MLLT10: variants seen among roughly 807,000 people sequenced by gnomAD.
MLLT10 encodes MLLT10 histone lysine methyltransferase DOT1L cofactor.
In MLLT10, 30 loss-of-function variants were observed where a neutral mutation model predicts 129.1. That is an observed-to-expected ratio of 0.23 (90% CI 0.17 to 0.32). The LOEUF is 0.32. Among genes scored for constraint, MLLT10 ranks in the 10% least tolerant of loss-of-function variants. The pLI is 1.00. For synonymous variants in MLLT10, 490 were observed against 446.4 expected (o/e 1.10, Z -1.23); for missense variants, 1,119 against 1,268.3 (o/e 0.88, Z 1.79).
chr10:21,660,938 C>T (rs1217559430), intron 9 of MLLT10, among the ~76,000 whole-genome samples: 4 of 150,346 alleles, frequency 2.7e-5, no homozygotes, highest in Non-Finnish European at 4.4e-5. Flanking sequence ...TCATTCAGTG[C>T]GATAAATTCC....
chr10:21,570,708 A>T (rs755420432), intron 3 of MLLT10, among the ~76,000 whole-genome samples: 2 of 151,854 alleles, frequency 1.3e-5, no homozygotes, highest in African/African-American at 4.8e-5. Context: ...AAAATATTTC[A>T]TATTTTTACT....
intron 4 of MLLT10, among the ~76,000 whole-genome samples, chr10:21,593,809 C>G (rs2042740381): frequency 6.6e-6 from 1 of 151,510 alleles, no homozygotes; most frequent in African/African-American, 2.4e-5. Context: ...CACCTGTAAT[C>G]CCAGCTACTT....
chr10:21,738,622 C>T, intron 21 of MLLT10: 1 of 1,151,346 alleles, frequency 8.7e-7, no homozygotes, highest in Non-Finnish European at 1.1e-6. Context: ...GACTCTGCTT[C>T]CCCCAGATGA....
At chr10:21,556,995 T>C (rs2038109140) in intron 3 of MLLT10, 1 of 1,487,850 alleles carries the variant, frequency 6.7e-7, no homozygotes, top group South Asian at 1.4e-5. Flanking sequence ...TTATATTTCT[T>C]ACAGGGTTTT....
At chr10:21,568,552 A>G (rs1039521708) in intron 3 of MLLT10, among the ~76,000 whole-genome samples, 9 of 152,024 alleles carry the variant, frequency 5.9e-5, no homozygotes, top group Non-Finnish European at 1.2e-4. Context: ...ATAAATTTCT[A>G]TTTCAATTAC....
intron 5 of MLLT10, among the ~76,000 whole-genome samples, chr10:21,605,537 C>T (rs901690268): frequency 3.9e-5 from 6 of 152,036 alleles, no homozygotes; most frequent in African/African-American, 1.2e-4. Flanking sequence ...ATCAACCTCC[C>T]GGGTTCAAGT....
chr10:21,722,674 G>A (rs2057215663), intron 14 of MLLT10, among the ~76,000 whole-genome samples: 1 of 152,122 alleles, frequency 6.6e-6, no homozygotes, highest in African/African-American at 2.4e-5. Context: ...TTCCTCTTCT[G>A]CATCTTCAGT....
At chr10:21,654,763 G>T (rs1228014948) in intron 9 of MLLT10, among the ~76,000 whole-genome samples, 1 of 152,170 alleles carries the variant, frequency 6.6e-6, no homozygotes, top group African/African-American at 2.4e-5. Flanking sequence ...ATGAGTGAGG[G>T]TAAATGCCAG....
intron 6 of MLLT10, among the ~76,000 whole-genome samples, chr10:21,614,337 T>A (rs2045009475): frequency 6.6e-6 from 1 of 152,184 alleles, no homozygotes; most frequent in African/African-American, 2.4e-5. Flanking sequence ...GTGCTGTGAC[T>A]TAAAGCACTT....
chr10:21,538,007 C>CT (rs35201972), intron 2 of MLLT10, among the ~76,000 whole-genome samples: 56 of 144,610 alleles, frequency 3.9e-4, no homozygotes, highest in East Asian at 6.1e-4. Context: ...ATAAACATAC[C>CT]TTTTTTTTTT....
intron 14 of MLLT10, among the ~76,000 whole-genome samples, chr10:21,717,583 T>C (rs1424724470): frequency 8.8e-6 from 1 of 113,136 alleles, no homozygotes; most frequent in Non-Finnish European, 1.8e-5. Flanking sequence ...CTCTTCTTTC[T>C]TCCTCTTCCT....
intron 3 of MLLT10, among the ~76,000 whole-genome samples, chr10:21,583,967 T>A (rs2041727029): frequency 6.6e-6 from 1 of 152,026 alleles, no homozygotes; most frequent in Non-Finnish European, 1.5e-5. Context: ...CCTCCTGGGT[T>A]CACGCCATTC....
At chr10:21,596,811 G>T (rs1482982633) in intron 5 of MLLT10, among the ~76,000 whole-genome samples, 1 of 151,636 alleles carries the variant, frequency 6.6e-6, no homozygotes, top group Non-Finnish European at 1.5e-5. Context: ...ATATTATTTT[G>T]TCTTGTATAT....
At chr10:21,701,895 TTTCTCTTCTC>T (rs538238777) in intron 13 of MLLT10, among the ~76,000 whole-genome samples, 1 of 150,928 alleles carries the variant, frequency 6.6e-6, no homozygotes, top group Non-Finnish European at 1.5e-5. Flanking sequence ...GGTTATGTTA[TTTCTCTTCTC>T]TTCTCTTCTC....
chr10:21,724,848 C>T (rs1219067605), intron 14 of MLLT10, among the ~76,000 whole-genome samples: 2 of 152,204 alleles, frequency 1.3e-5, no homozygotes, highest in Non-Finnish European at 2.9e-5. Context: ...GGTTCATTTT[C>T]GCTTGTTTGG....
intron 3 of MLLT10, 23 bp downstream of exon 3, chr10:21,538,935 A>T (rs2034581446): frequency 6.4e-7 from 1 of 1,572,996 alleles, no homozygotes; most frequent in South Asian, 1.1e-5. Flanking sequence ...TATCAAAAAC[A>T]TTAAACTTTA....
intron 14 of MLLT10, among the ~76,000 whole-genome samples, chr10:21,715,304 A>G (rs1255763701): frequency 1.3e-5 from 2 of 152,226 alleles, no homozygotes; most frequent in African/African-American, 4.8e-5. Flanking sequence ...AAGCAATGGC[A>G]TGATTAGTAG....
At chr10:21,624,726 T>A in intron 8 of MLLT10, 3 of 1,305,226 alleles carry the variant, frequency 2.3e-6, no homozygotes, top group Admixed American at 1.7e-5. Context: ...TGTTGTTTGT[T>A]GGTCTGACGA....
intron 17 of MLLT10, among the ~76,000 whole-genome samples, chr10:21,731,629 G>T (rs546636137): frequency 1.5e-4 from 23 of 152,108 alleles, no homozygotes; most frequent in Non-Finnish European, 2.1e-4. Context: ...TTTGGAGGAA[G>T]AATAATAATT....
Sources: gnomAD v4.1 joint callset for allele counts (sites outside exome capture counted in the v4.1 genomes callset) on GRCh38, gnomAD v4.1.1 for gene constraint, MANE v1.5 for transcripts, NCBI Gene and HGNC (gene_info 2026-07-23, HGNC 2026-07-21) for gene names.